The following UGP2 variants were observed in gnomAD, a reference collection of about 807,000 sequenced individuals.
The protein encoded by UGP2 is UTP--glucose-1-phosphate uridylyltransferase.
UGP2 carries 40 observed loss-of-function variants against 49.0 expected under a neutral mutation model. The ratio of observed to expected loss-of-function variants is 0.82; its 90% CI spans 0.63 to 1.06. The LOEUF (loss-of-function observed/expected upper bound fraction) is 1.06. Among genes scored for constraint, UGP2 ranks in the 50% least tolerant of loss-of-function variants. The pLI is 0.00. For missense variants in UGP2, 460 were observed against 603.5 expected (o/e 0.76, Z 2.49); for synonymous variants, 225 against 213.0 (o/e 1.06, Z -0.49).
rs761317303 is a variant in UGP2 at position 63,856,360 on chromosome 2, G to A, written c.74G>A (p.Arg25Gln). ...GCTTCTCAGTTCCAAGAAGTCATTCGGCAAGAGCTAGAATTATCTGTGAAG... is the reference window on the plus strand; with the variant it reads ...GCTTCTCAGTTCCAAGAAGTCATTCAGCAAGAGCTAGAATTATCTGTGAAG... ...DGASQFQEVIRQELELSVKKE... is the reference protein window; with the variant it reads ...DGASQFQEVIQQELELSVKKE... The change falls in exon 2 of 10, where the codon CGG becomes CAG. Residue 25 changes from arginine (R) to glutamine (Q), a missense_variant. Physicochemically the swap from Arg to Gln is conservative, Grantham distance 43. Coordinates refer to ENST00000337130, the MANE Select transcript of UGP2 (RefSeq NM_006759.4). 2.7e-5 allele frequency: 44 copies of A among 1,613,726 alleles called. 1 individual carries two copies. The highest frequency in any genetic ancestry group is 7.7e-5 in the South Asian group (7 of 91,054).
Position 63,887,607 on chromosome 2 carries a change from C to T in UGP2, c.1277C>T (p.Thr426Ile), listed in dbSNP as rs1481074066. Reference sequence around the variant, plus strand: ...ATGAGTGAAAAGCGGGAATTTCCTACAGTGCCCTTGGTTAAATTAGGCAGT... The same window carrying T: ...ATGAGTGAAAAGCGGGAATTTCCTATAGTGCCCTTGGTTAAATTAGGCAGT... Reference protein sequence around the residue: ...LTMSEKREFPTVPLVKLGSSF... With the variant: ...LTMSEKREFPIVPLVKLGSSF... The change falls in exon 8 of 10, where the codon ACA becomes ATA. Residue 426 changes from threonine (T) to isoleucine (I), a missense_variant. Physicochemically the swap from Thr to Ile is moderately conservative, Grantham distance 89 (BLOSUM62 -1). Coordinates refer to ENST00000337130, the MANE Select transcript of UGP2 (RefSeq NM_006759.4). 1 of 1,614,118 alleles carries T rather than the reference C, an allele frequency of 6.2e-7. No individual in the cohort carries two copies. Among genetic ancestry groups the T allele is most frequent in the Non-Finnish European group, 8.5e-7 (1 of 1,180,000 alleles).
chr2:63,890,146 T>A lies in UGP2; in HGVS notation c.1380T>A (p.Val460=). The A allele has an allele frequency of 6.2e-7, 1 of 1,612,388 alleles. No individual in the cohort carries two copies. Among genetic ancestry groups the A allele is most frequent in the Non-Finnish European group, 8.5e-7 (1 of 1,179,438 alleles). The change falls in exon 9 of 10, where the codon GTT becomes GTA. Residue 460 remains valine, a synonymous_variant. Coordinates refer to ENST00000337130, the MANE Select transcript of UGP2 (RefSeq NM_006759.4). ...PDMLELDHLT[V]SGDVTFGKNV... ...TGCTTGAATTGGATCACCTCACAGT[T>A]TCAGGAGATGTGACATTTGGAAAAA... is the stretch of plus-strand genomic sequence containing the variant.
At chr2:63,877,192 T>A (rs1670964545) in intron 3 of UGP2, among the ~76,000 whole-genome samples, 1 of 151,550 alleles carries the variant, frequency 6.6e-6, no homozygotes, top group Non-Finnish European at 1.5e-5. Context: ...TGCACATCTA[T>A]AACAGTAAAT....
At position 63,883,771 on chromosome 2, in the gene UGP2, C is replaced by T. The variant is rs572427369; in HGVS notation, c.442-189C>T. Among the ~76,000 whole-genome samples, 3 of 152,308 alleles carry T rather than the reference C, an allele frequency of 2.0e-5. No individual in the cohort carries two copies. The East Asian group carries it at 5.8e-4, about 29-fold the overall frequency. ...TCTCAGAGGGTAGTGATTTAATGAG[C>T]AAGTGCATGGTGAATTGCTTAGCAA... On this transcript the variant is annotated intron_variant, in intron 4 of 9. Transcript: ENST00000337130.
At chr2:63,847,317 T>C (rs1234203448) in intron 1 of UGP2, among the ~76,000 whole-genome samples, 3 of 152,228 alleles carry the variant, frequency 2.0e-5, no homozygotes, top group Non-Finnish European at 4.4e-5. Flanking sequence ...TTTCCCTTCA[T>C]AGATGAATTA....
Position 63,856,449 on chromosome 2 carries a change from C to A in UGP2, c.147+16C>A. On this transcript the variant is annotated intron_variant, in intron 2 of 9. Transcript: ENST00000337130. The stretch of plus-strand genomic sequence containing the variant: ...TGAATTTGAGGTAAGGAGGTTTCTA[C>A]AGTGTTCCACCCCCCCGCCCCTCCC... The A allele has an allele frequency of 6.2e-7, 1 of 1,605,348 alleles. No homozygotes were observed. The highest frequency in any genetic ancestry group is 8.5e-7 in the Non-Finnish European group (1 of 1,178,676).
At chr2:63,869,816 A>C (rs192298544) in intron 3 of UGP2, among the ~76,000 whole-genome samples, 37 of 152,242 alleles carry the variant, frequency 2.4e-4, no homozygotes, top group African/African-American at 8.9e-4. Context: ...AAATGTTACA[A>C]ATTTTTGCCT....
At chr2:63,865,972 C>T (rs1670159280) in intron 3 of UGP2, among the ~76,000 whole-genome samples, 2 of 152,104 alleles carry the variant, frequency 1.3e-5, no homozygotes, top group Non-Finnish European at 2.9e-5. Context: ...AAATTTTATA[C>T]AAACTAGTGA....
intron 3 of UGP2, among the ~76,000 whole-genome samples, chr2:63,872,935 T>G (rs1019107018): frequency 1.3e-5 from 2 of 152,176 alleles, no homozygotes; most frequent in African/African-American, 4.8e-5. Context: ...GCACTTCTGG[T>G]CCTGCTGCAG....
chr2:63,858,294 C>A (rs956984623), intron 3 of UGP2, among the ~76,000 whole-genome samples: 3 of 152,184 alleles, frequency 2.0e-5, no homozygotes, highest in African/African-American at 7.2e-5. Context: ...CCCGTAGGGT[C>A]ATGGATGCTT....
intron 1 of UGP2, among the ~76,000 whole-genome samples, chr2:63,854,236 C>T (rs777058259): frequency 6.6e-6 from 1 of 152,182 alleles, no homozygotes; most frequent in Admixed American, 6.5e-5. Flanking sequence ...AATGCTCCCT[C>T]CCATCTATAA....
chr2:63,884,177 G>C, intron 5 of UGP2, 84 bp downstream of exon 5: 1 of 1,502,742 alleles, frequency 6.7e-7, no homozygotes, highest in Non-Finnish European at 9.0e-7. Context: ...GCAGTTTCAA[G>C]ATGTACAGGT....
At chr2:63,858,699 T>A (rs1013177597) in intron 3 of UGP2, among the ~76,000 whole-genome samples, 8 of 152,102 alleles carry the variant, frequency 5.3e-5, no homozygotes, top group Non-Finnish European at 1.0e-4. Context: ...GAATGAATTG[T>A]GATTTATTTT....
chr2:63,862,772 C>T (rs1669937391), intron 3 of UGP2: 5 of 454,156 alleles, frequency 1.1e-5, no homozygotes, highest in Non-Finnish European at 2.2e-5. Context: ...ATTCCAATTT[C>T]CACCCCACAG....
intron 9 of UGP2, among the ~76,000 whole-genome samples, 189 bp downstream of exon 9, chr2:63,890,374 T>C (rs1055117577): frequency 1.3e-5 from 2 of 152,148 alleles, no homozygotes; most frequent in African/African-American, 2.4e-5. Context: ...TTACTAAAGA[T>C]GATTGAGTAA....
At chr2:63,857,724 A>G in intron 2 of UGP2, 105 bp from the exon 3 acceptor site, 1 of 1,182,850 alleles carries the variant, frequency 8.5e-7, no homozygotes, top group East Asian at 2.4e-5. Flanking sequence ...ATGGTGTAAG[A>G]ATTTCATTTA....
In UGP2 at chr2:63,885,570, A is replaced by T. The variant is rs1196787613; in HGVS notation, c.576-19A>T. 9 of 1,503,398 alleles carry T rather than the reference A, an allele frequency of 6.0e-6. No homozygotes were observed. Among genetic ancestry groups the T allele is most frequent in the Non-Finnish European group, 8.0e-6 (9 of 1,126,464 alleles). The allele number at this position is 1,503,398 out of a possible 1,614,324, so 93.1% of individuals were successfully genotyped here. ...CTCTACAGGGTCAATATTGAAAAAGAACTTTTTTTTTTTTAAAGGTACCCG... is the reference window on the plus strand; with the variant it reads ...CTCTACAGGGTCAATATTGAAAAAGTACTTTTTTTTTTTTAAAGGTACCCG... On this transcript the variant is annotated intron_variant, in intron 5 of 9. Transcript: ENST00000337130.
At chr2:63,853,441 A>T (rs1445250384) in intron 1 of UGP2, among the ~76,000 whole-genome samples, 1 of 152,038 alleles carries the variant, frequency 6.6e-6, no homozygotes, top group Non-Finnish European at 1.5e-5. Flanking sequence ...GGTTATTTGG[A>T]TCACAAGTCA....
intron 5 of UGP2, 107 bp downstream of exon 5, chr2:63,884,200 T>C: frequency 7.6e-7 from 1 of 1,316,300 alleles, no homozygotes; most frequent in Non-Finnish European, 1.0e-6. Flanking sequence ...CAAATATTGA[T>C]GTTCACAAGT....
Sources: allele counts gnomAD v4.1 joint callset (sites outside exome capture counted in the v4.1 genomes callset), GRCh38; gene constraint gnomAD v4.1.1; transcripts MANE v1.5; gene names NCBI Gene and HGNC (gene_info 2026-07-23, HGNC 2026-07-21).